The following ARID3B variants were observed in gnomAD, a reference collection of about 807,000 sequenced individuals.
ARID3B encodes the protein AT-rich interactive domain-containing protein 3B.
ARID3B carries 10 observed loss-of-function variants against 51.9 expected under a neutral mutation model. The observed-to-expected ratio is 0.19, with a 90% CI of 0.12 to 0.33. The LOEUF (loss-of-function observed/expected upper bound fraction) is 0.33. ARID3B is among the 10% of genes least tolerant of loss of function. ARID3B has a pLI of 1.00. For missense variants in ARID3B, 483 were observed against 716.3 expected, an observed-to-expected ratio of 0.67 and a Z score of 3.72; for synonymous variants, 205 against 279.5, an observed-to-expected ratio of 0.73 and a Z score of 2.66.
intron 1 of ARID3B, 59 bp from the exon 2 acceptor site, chr15:74,543,801 C>T: frequency 2.5e-6 from 3 of 1,188,572 alleles, no homozygotes; most frequent in Admixed American, 4.8e-5. Context: ...CCTTTTTATA[C>T]CTGCTTAACA....
At chr15:74,547,189 C>T (rs974126039) in intron 2 of ARID3B, among the ~76,000 whole-genome samples, 1 of 150,664 alleles carries the variant, frequency 6.6e-6, no homozygotes, top group African/African-American at 2.4e-5. Context: ...ACACAGAGCG[C>T]ACTCTGTTGC....
intron 2 of ARID3B, among the ~76,000 whole-genome samples, chr15:74,555,593 A>C (rs757336139): frequency 6.6e-6 from 1 of 151,964 alleles, no homozygotes; most frequent in Non-Finnish European, 1.5e-5. Context: ...CAGCTTCCCA[A>C]AGTGCTGGGA....
At chr15:74,548,762 T>C (rs1166457377) in intron 2 of ARID3B, among the ~76,000 whole-genome samples, 1 of 152,206 alleles carries the variant, frequency 6.6e-6, no homozygotes, top group East Asian at 1.9e-4. Flanking sequence ...GAAGCACTTC[T>C]GCAGTACAGA....
intron 4 of ARID3B, among the ~76,000 whole-genome samples, chr15:74,588,637 C>T (rs552407214): frequency 2.0e-5 from 3 of 152,270 alleles, no homozygotes; most frequent in Middle Eastern, 6.8e-3. Context: ...TCATTAATCC[C>T]GAGGCTGCCA....
intron 4 of ARID3B, among the ~76,000 whole-genome samples, chr15:74,576,071 G>A (rs2061736345): frequency 6.6e-6 from 1 of 152,076 alleles, no homozygotes; most frequent in Non-Finnish European, 1.5e-5. Flanking sequence ...TAACTTTTTT[G>A]TTCTGTAGAA....
intron 2 of ARID3B, among the ~76,000 whole-genome samples, chr15:74,555,328 CTCTT>C (rs576127447): frequency 6.6e-6 from 1 of 151,798 alleles, no homozygotes; most frequent in Non-Finnish European, 1.5e-5. Flanking sequence ...CTACGATTGA[CTCTT>C]TTTTTTTTCT....
At chr15:74,548,701 T>C (rs559207971) in intron 2 of ARID3B, among the ~76,000 whole-genome samples, 2 of 152,286 alleles carry the variant, frequency 1.3e-5, no homozygotes, top group South Asian at 2.1e-4. Context: ...TCCAAGCCGC[T>C]TGGGGCACCC....
intron 4 of ARID3B, among the ~76,000 whole-genome samples, chr15:74,582,662 G>C (rs2061766125): frequency 6.6e-6 from 1 of 152,198 alleles, no homozygotes; most frequent in Non-Finnish European, 1.5e-5. Context: ...TTGGAAGTCT[G>C]TTTGGCAGTG....
Position 74,589,219 on chromosome 15 carries a change from CGG to C in ARID3B, c.698-598_698-597del, listed in dbSNP as rs1403578351. The stretch of plus-strand genomic sequence containing the variant: ...ATTTTTTTTGTATTTTTAGTAGAGA[CGG>C]GGTTTCGCCATGTTAGCCAGGATGG... On this transcript the variant is annotated intron_variant, in intron 4 of 8. Coordinates refer to ENST00000346246, the MANE Select transcript of ARID3B (RefSeq NM_006465.4). Among the ~76,000 whole-genome samples the C allele has an allele frequency of 2.6e-5, 4 of 151,396 alleles. No homozygotes were observed. In the East Asian group the frequency reaches 7.8e-4, roughly 30 times the overall value.
At position 74,543,923 on chromosome 15, in the gene ARID3B, A is replaced by C; in HGVS notation, c.-14A>C. On this transcript the variant is annotated 5_prime_UTR_variant, in exon 2 of 9. Transcript: ENST00000346246. Reference sequence around the variant, plus strand: ...CAGAGTCATGCCACTCTGTGGGTGAAGCTTGAGGCAAAAATGGAGCCACTT... The same window carrying C: ...CAGAGTCATGCCACTCTGTGGGTGACGCTTGAGGCAAAAATGGAGCCACTT... 1 of 1,600,416 alleles carries C rather than the reference A, an allele frequency of 6.2e-7. No homozygotes were observed. Among genetic ancestry groups the C allele is most frequent in the Non-Finnish European group, 8.5e-7 (1 of 1,173,060 alleles).
chr15:74,551,514 C>T (rs2061637274), intron 2 of ARID3B, among the ~76,000 whole-genome samples: 1 of 152,176 alleles, frequency 6.6e-6, no homozygotes, highest in South Asian at 2.1e-4. Context: ...TGTCCCAGAT[C>T]CCATCCCCTT....
At chr15:74,545,131 CTAA>C (rs1272080119) in intron 2 of ARID3B, among the ~76,000 whole-genome samples, 2 of 152,294 alleles carry the variant, frequency 1.3e-5, no homozygotes, top group East Asian at 1.9e-4. Context: ...TACAGCTTTT[CTAA>C]TAATAATGTT....
rs777163842 is a variant in ARID3B at position 74,589,931 on chromosome 15, T to A, written c.809T>A (p.Ile270Asn). ...GGLVEIINKKIWREITKGLNL... is the reference protein window; with the variant it reads ...GGLVEIINKKNWREITKGLNL... ...CTGGTGGAGATCATCAACAAGAAGA[T>A]CTGGAGGGAGATCACCAAAGGCCTA... is the stretch of plus-strand genomic sequence containing the variant. Residue 270 changes from isoleucine (I) to asparagine (N), a missense_variant, in exon 5 of 9, where the codon ATC becomes AAC. By Grantham distance (149) the Ile-to-Asn change is moderately radical. Coordinates refer to ENST00000346246, the MANE Select transcript of ARID3B (RefSeq NM_006465.4). 6.2e-7 allele frequency: 1 copy of A among 1,613,788 alleles called. No homozygotes were observed. The highest frequency in any genetic ancestry group is 2.2e-5 in the East Asian group (1 of 44,884).
intron 2 of ARID3B, among the ~76,000 whole-genome samples, chr15:74,561,671 G>A (rs2061679935): frequency 6.6e-6 from 1 of 152,102 alleles, no homozygotes; most frequent in Non-Finnish European, 1.5e-5. Flanking sequence ...GATAATAATA[G>A]TACCCACTTC....
At chr15:74,576,876 A>T (rs2061740073) in intron 4 of ARID3B, among the ~76,000 whole-genome samples, 1 of 152,140 alleles carries the variant, frequency 6.6e-6, no homozygotes, top group South Asian at 2.1e-4. Context: ...GCTGTGACAC[A>T]TGTGGCCCTG....
At chr15:74,581,336 C>A (rs2061761088) in intron 4 of ARID3B, among the ~76,000 whole-genome samples, 1 of 152,206 alleles carries the variant, frequency 6.6e-6, no homozygotes, top group African/African-American at 2.4e-5. Flanking sequence ...GTGTGCTTAT[C>A]TATCCATCTC....
intron 2 of ARID3B, among the ~76,000 whole-genome samples, chr15:74,556,926 C>T (rs2061660725): frequency 1.3e-5 from 2 of 151,818 alleles, no homozygotes; most frequent in Non-Finnish European, 1.5e-5. Flanking sequence ...AGGCGTGTGC[C>T]ACCATGCCCA....
intron 2 of ARID3B, among the ~76,000 whole-genome samples, chr15:74,553,942 G>T (rs1248685177): frequency 6.6e-6 from 1 of 152,016 alleles, no homozygotes; most frequent in East Asian, 1.9e-4. Flanking sequence ...TCCTGCCTCA[G>T]CCTCCTGAGT....
chr15:74,544,550 C>T (rs2061608486), intron 2 of ARID3B, 62 bp downstream of exon 2: 4 of 1,540,988 alleles, frequency 2.6e-6, no homozygotes, highest in South Asian at 1.2e-5. Context: ...GGGTCATGGA[C>T]TGACAGGGTC....
Sources: gnomAD v4.1 joint callset for allele counts (sites outside exome capture counted in the v4.1 genomes callset) on GRCh38, gnomAD v4.1.1 for gene constraint, MANE v1.5 for transcripts, NCBI Gene and HGNC (gene_info 2026-07-23, HGNC 2026-07-21) for gene names.